ESRRB: variants seen among roughly 807,000 people sequenced by gnomAD.
ESRRB encodes the protein steroid hormone receptor ERR2.
Under a neutral mutation model 46.0 loss-of-function variants are expected in ESRRB, and 16 were observed. That is an observed-to-expected ratio of 0.35 (90% CI 0.24 to 0.53). The LOEUF (loss-of-function observed/expected upper bound fraction) is 0.53, where lower values mean the gene tolerates loss of function less well. Ranked by LOEUF, ESRRB falls within the 20% of genes least tolerant of loss-of-function variation. The probability of loss-of-function intolerance (pLI) is 0.93; values close to 1 mark genes in which losing one functional copy is unlikely to be tolerated. For synonymous variants in ESRRB, 246 were observed against 259.6 expected, an observed-to-expected ratio of 0.95 and a Z score of 0.50; for missense variants, 488 against 607.4, an observed-to-expected ratio of 0.80 and a Z score of 2.07.
At chr14:76,393,776 G>A (rs1433479701) in intron 1 of ESRRB, among the ~76,000 whole-genome samples, 2 of 152,098 alleles carry the variant, frequency 1.3e-5, no homozygotes, top group East Asian at 1.9e-4. Flanking sequence ...GGGACTCCAC[G>A]GCTGCTGTCT....
chr14:76,354,727 T>A (rs1188824093), intron 1 of ESRRB, among the ~76,000 whole-genome samples: 3 of 144,276 alleles, frequency 2.1e-5, no homozygotes, highest in Admixed American at 1.4e-4. Flanking sequence ...TTTTTTTCTT[T>A]GAAATGAGTT....
intron 1 of ESRRB, among the ~76,000 whole-genome samples, chr14:76,319,388 G>A (rs1343802350): frequency 3.3e-5 from 5 of 152,184 alleles, no homozygotes; most frequent in Admixed American, 1.3e-4. Context: ...ACTAACATCA[G>A]GTTCTTGGGG....
chr14:76,440,713 CTCTCTCTCTT>C (rs1887887666), intron 2 of ESRRB, among the ~76,000 whole-genome samples: 1 of 150,052 alleles, frequency 6.7e-6, no homozygotes, highest in Non-Finnish European at 1.5e-5. Flanking sequence ...CTTTTTCTTT[CTCTCTCTCTT>C]TCTCTCTCTC....
intron 1 of ESRRB, among the ~76,000 whole-genome samples, chr14:76,437,194 GATA>G (rs1201775595): frequency 9.2e-5 from 14 of 152,106 alleles, no homozygotes; most frequent in Non-Finnish European, 1.8e-4. Context: ...ACCATGCCCG[GATA>G]ATTTTTGTAT....
chr14:76,383,780 CT>C (rs946637308), intron 1 of ESRRB, among the ~76,000 whole-genome samples: 5 of 152,202 alleles, frequency 3.3e-5, no homozygotes, highest in Admixed American at 2.0e-4. Flanking sequence ...ATTGGCCCCC[CT>C]GTTCTGATTC....
chr14:76,498,785 C>G lies in ESRRB; in HGVS notation c.*327C>G, dbSNP rs890231021. On this transcript the variant is annotated 3_prime_UTR_variant, in exon 7 of 7. Coordinates refer to ENST00000644823, the MANE Select transcript of ESRRB (RefSeq NM_001379180.1). ...GGCCACTGGAGCAAGTGCCCTCTCC[C>G]CTCCACCGAGCCACCAAGAGGCAGC... is the stretch of plus-strand genomic sequence containing the variant. 9.3e-6 allele frequency: 6 copies of G among 644,738 alleles called. No homozygotes were observed. In the Admixed American group the frequency reaches 9.4e-5, roughly 10 times the overall value. 39.9% of individuals were successfully genotyped at this position (644,738 alleles called of 1,614,324 possible).
At chr14:76,331,654 G>A (rs1273158406) in intron 1 of ESRRB, among the ~76,000 whole-genome samples, 4 of 152,126 alleles carry the variant, frequency 2.6e-5, no homozygotes, top group Non-Finnish European at 4.4e-5. Context: ...GCAGCTGCCT[G>A]TCCTCTTGTC....
chr14:76,424,017 T>C (rs1039867698), intron 1 of ESRRB, among the ~76,000 whole-genome samples: 2 of 152,174 alleles, frequency 1.3e-5, no homozygotes, highest in African/African-American at 2.4e-5. Context: ...TGTTGTGACT[T>C]ACACCCCTTC....
chr14:76,319,298 G>A (rs1047589486), intron 1 of ESRRB, among the ~76,000 whole-genome samples: 1 of 152,202 alleles, frequency 6.6e-6, no homozygotes, highest in East Asian at 1.9e-4. Context: ...ACTTTGCAAG[G>A]AAAGAAGAAT....
chr14:76,405,193 C>T (rs1886126757), intron 1 of ESRRB, among the ~76,000 whole-genome samples: 1 of 152,114 alleles, frequency 6.6e-6, no homozygotes, highest in Non-Finnish European at 1.5e-5. Context: ...CTTGAAACTC[C>T]TCGGCTGAGG....
At chr14:76,487,829 C>T (rs1366973273) in intron 5 of ESRRB, among the ~76,000 whole-genome samples, 1 of 152,186 alleles carries the variant, frequency 6.6e-6, no homozygotes, top group Non-Finnish European at 1.5e-5. Flanking sequence ...GCATTACACT[C>T]CTGGGCTCAT....
intron 1 of ESRRB, among the ~76,000 whole-genome samples, chr14:76,420,004 A>G (rs1270727065): frequency 6.6e-6 from 1 of 152,154 alleles, no homozygotes; most frequent in African/African-American, 2.4e-5. Flanking sequence ...AAGAGGCTAG[A>G]GTTATGGATT....
chr14:76,346,213 G>A (rs974679924), intron 1 of ESRRB, among the ~76,000 whole-genome samples: 6 of 152,146 alleles, frequency 3.9e-5, no homozygotes, highest in African/African-American at 1.4e-4. Flanking sequence ...CCCAGTACAT[G>A]GTCAGGGCTA....
chr14:76,354,223 CG>C (rs1480164544), intron 1 of ESRRB, among the ~76,000 whole-genome samples: 37 of 72,016 alleles, frequency 5.1e-4, no homozygotes, highest in African/African-American at 1.5e-3. Flanking sequence ...GTCCTCTACC[CG>C]CCCCCCCCCC....
chr14:76,399,330 G>A (rs80051254), intron 1 of ESRRB, among the ~76,000 whole-genome samples: 9,617 of 152,174 alleles, frequency 0.063, 422 homozygotes, highest in East Asian at 0.13. Flanking sequence ...CTTAGCCTCT[G>A]AACCTCTATG....
intron 1 of ESRRB, among the ~76,000 whole-genome samples, chr14:76,397,834 C>T (rs1020813274): frequency 6.6e-6 from 1 of 152,242 alleles, no homozygotes; most frequent in Non-Finnish European, 1.5e-5. Flanking sequence ...CAGAAATGCA[C>T]TACCTCCTGA....
At chr14:76,381,175 C>T (rs867343150) in intron 1 of ESRRB, among the ~76,000 whole-genome samples, 9 of 152,106 alleles carry the variant, frequency 5.9e-5, no homozygotes, top group African/African-American at 1.4e-4. Flanking sequence ...CTTTTAGCCC[C>T]GTCAGCTGGT....
intron 1 of ESRRB, among the ~76,000 whole-genome samples, chr14:76,324,222 C>T (rs58901562): frequency 0.2 from 30,303 of 152,110 alleles, 3,273 homozygotes; most frequent in East Asian, 0.38. Flanking sequence ...GCATAAATGA[C>T]GCTGCAGAGT....
intron 2 of ESRRB, among the ~76,000 whole-genome samples, chr14:76,448,558 A>C: frequency 1.3e-5 from 2 of 150,030 alleles, no homozygotes; most frequent in Non-Finnish European, 1.5e-5. Context: ...CTGCTCTCGA[A>C]CTCCTGGTCT....
Sources: gnomAD v4.1 joint callset for allele counts (sites outside exome capture counted in the v4.1 genomes callset) on GRCh38, gnomAD v4.1.1 for gene constraint, MANE v1.5 for transcripts, NCBI Gene and HGNC (gene_info 2026-07-23, HGNC 2026-07-21) for gene names.